The following CERKL variants were observed in gnomAD, a reference collection of about 807,000 sequenced individuals.
CERKL encodes ceramide kinase-like protein.
In CERKL, 61 loss-of-function variants were observed where a neutral mutation model predicts 63.4. The ratio of observed to expected loss-of-function variants is 0.96; its 90% CI spans 0.78 to 1.19. The LOEUF (loss-of-function observed/expected upper bound fraction) is 1.19. CERKL is among the 50% of genes most tolerant of loss of function. The pLI is 0.00. For missense variants in CERKL, 675 were observed against 655.5 expected (o/e 1.03, Z -0.33); for synonymous variants, 250 against 230.5 (o/e 1.08, Z -0.77).
intron 1 of CERKL, among the ~76,000 whole-genome samples, chr2:181,610,557 G>A (rs1351119121): frequency 6.6e-6 from 1 of 152,206 alleles, no homozygotes; most frequent in East Asian, 1.9e-4. Flanking sequence ...TCATAAATGA[G>A]TAAGTGAAAT....
Position 181,537,139 on chromosome 2 carries a change from C to CGTT in CERKL, c.*1042_*1044dup. 2 of 453,324 alleles carry CGTT rather than the reference C, an allele frequency of 4.4e-6. No homozygotes were observed. The highest frequency in any genetic ancestry group is 8.8e-6 in the Non-Finnish European group (2 of 226,556). 28.1% of individuals were successfully genotyped at this position (453,324 alleles called of 1,614,324 possible). A position where few individuals can be genotyped will look rare whatever the true frequency, so the allele number is the denominator to read the frequency against. The stretch of plus-strand genomic sequence containing the variant: ...TATGTATTTTTAAAAAACTTTGTAT[C>CGTT]GTTATAAAAAGGCTAGTCATTCTTT... On this transcript the variant is annotated 3_prime_UTR_variant, in exon 13 of 13. Transcript: ENST00000410087.
chr2:181,643,536 A>T (rs1236068699), intron 1 of CERKL, among the ~76,000 whole-genome samples: 1 of 152,244 alleles, frequency 6.6e-6, no homozygotes, highest in Non-Finnish European at 1.5e-5. Context: ...TTTGCAATGG[A>T]AACAGAGCAT....
At chr2:181,606,003 T>TA (rs1213554327) in intron 1 of CERKL, among the ~76,000 whole-genome samples, 1 of 141,518 alleles carries the variant, frequency 7.1e-6, no homozygotes, top group Non-Finnish European at 1.5e-5. Flanking sequence ...TACATACCAC[T>TA]AAAAAAAAGA....
intron 3 of CERKL, among the ~76,000 whole-genome samples, chr2:181,571,727 C>T (rs75692282): frequency 0.019 from 2,865 of 152,206 alleles, 73 homozygotes; most frequent in African/African-American, 0.064. Context: ...TTCTCCCTAA[C>T]AGAATCCAGA....
intron 2 of CERKL, among the ~76,000 whole-genome samples, chr2:181,599,651 A>G (rs1685374486): frequency 6.6e-6 from 1 of 152,006 alleles, no homozygotes; most frequent in Admixed American, 6.6e-5. Context: ...ACCCAGTTAG[A>G]CAAACATAAA....
chr2:181,547,702 A>C lies in CERKL; in HGVS notation c.1184T>G (p.Ile395Ser). The part of the protein sequence containing the change: ...KSDCNDQWQM[I>S]QGQFLNVSIM... ...GCTGACATTCAAGAACTGACCCTGGATCATTTGCCATTGATCATTACAGTC... is the reference window on the plus strand; with the variant it reads ...GCTGACATTCAAGAACTGACCCTGGCTCATTTGCCATTGATCATTACAGTC... Residue 395 changes from isoleucine (I) to serine (S), a missense_variant, in exon 10 of 13, where the codon ATC becomes AGC. Ile to Ser is a moderately radical substitution (Grantham distance 142). Transcript: ENST00000410087. The C allele has an allele frequency of 6.2e-7, 1 of 1,614,078 alleles. No individual in the cohort carries two copies. Among genetic ancestry groups the C allele is most frequent in the Non-Finnish European group, 8.5e-7 (1 of 1,179,952 alleles).
At chr2:181,647,363 C>T (rs3856407) in intron 1 of CERKL, among the ~76,000 whole-genome samples, 21,864 of 152,124 alleles carry the variant, frequency 0.14, 3,812 homozygotes, top group African/African-American at 0.42. Context: ...CTTTCTCTTC[C>T]CTGGGGAGCC....
chr2:181,638,543 G>A (rs944235880), intron 1 of CERKL, among the ~76,000 whole-genome samples: 1 of 152,154 alleles, frequency 6.6e-6, no homozygotes, highest in African/African-American at 2.4e-5. Context: ...AAATCCTTGA[G>A]TTTATAGTGA....
chr2:181,602,365 A>G (rs1207617534), intron 2 of CERKL, among the ~76,000 whole-genome samples: 1 of 152,222 alleles, frequency 6.6e-6, no homozygotes, highest in Non-Finnish European at 1.5e-5. Context: ...ATTTACTTCC[A>G]CTGAAATTAT....
chr2:181,589,097 G>A (rs1173672661), intron 2 of CERKL, among the ~76,000 whole-genome samples: 4 of 151,992 alleles, frequency 2.6e-5, no homozygotes, highest in East Asian at 3.9e-4. Context: ...GTAATCCAAC[G>A]TACCTATTTT....
chr2:181,596,322 G>A (rs1685207435), intron 2 of CERKL, among the ~76,000 whole-genome samples: 1 of 152,116 alleles, frequency 6.6e-6, no homozygotes, highest in Admixed American at 6.6e-5. Context: ...CCAATTACAT[G>A]TAAAAATATA....
intron 1 of CERKL, among the ~76,000 whole-genome samples, chr2:181,633,372 A>G (rs1687049233): frequency 6.6e-6 from 1 of 152,244 alleles, no homozygotes; most frequent in Non-Finnish European, 1.5e-5. Flanking sequence ...ATACACAGAA[A>G]GCAGATGAGT....
chr2:181,560,801 T>C (rs1688406024), intron 4 of CERKL, among the ~76,000 whole-genome samples: 1 of 152,184 alleles, frequency 6.6e-6, no homozygotes, highest in Non-Finnish European at 1.5e-5. Context: ...TATGAGAATC[T>C]TATTATTTTG....
At chr2:181,574,337 G>T (rs909785904) in intron 2 of CERKL, among the ~76,000 whole-genome samples, 1 of 152,196 alleles carries the variant, frequency 6.6e-6, no homozygotes, top group Non-Finnish European at 1.5e-5. Flanking sequence ...GGCTACCAAC[G>T]CCTGACCTAC....
chr2:181,580,978 T>C (rs1228677161), intron 2 of CERKL, among the ~76,000 whole-genome samples: 4 of 152,182 alleles, frequency 2.6e-5, no homozygotes, highest in African/African-American at 7.2e-5. Flanking sequence ...AGTTTGGTCA[T>C]GTTCCCTTTC....
chr2:181,612,337 A>G (rs1686003063), intron 1 of CERKL, among the ~76,000 whole-genome samples: 1 of 152,200 alleles, frequency 6.6e-6, no homozygotes, highest in South Asian at 2.1e-4. Flanking sequence ...GAGTTTTTTT[A>G]AGTATATGCA....
intron 1 of CERKL, among the ~76,000 whole-genome samples, chr2:181,644,084 C>T (rs1310310577): frequency 6.6e-6 from 1 of 152,252 alleles, no homozygotes; most frequent in Non-Finnish European, 1.5e-5. Flanking sequence ...AGTATCAGCA[C>T]AAGCTAAGGG....
At chr2:181,600,912 A>C (rs1685431450) in intron 2 of CERKL, among the ~76,000 whole-genome samples, 1 of 152,208 alleles carries the variant, frequency 6.6e-6, no homozygotes, top group Admixed American at 6.5e-5. Context: ...TACATTTTTC[A>C]CATCTGTACA....
intron 1 of CERKL, among the ~76,000 whole-genome samples, chr2:181,612,773 A>G (rs2105906846): frequency 6.6e-6 from 1 of 152,234 alleles, no homozygotes; most frequent in Non-Finnish European, 1.5e-5. Context: ...GTTTTATTAC[A>G]GTATAATTGA....
Sources: gnomAD v4.1 joint callset for allele counts (sites outside exome capture counted in the v4.1 genomes callset) on GRCh38, gnomAD v4.1.1 for gene constraint, MANE v1.5 for transcripts, NCBI Gene and HGNC (gene_info 2026-07-23, HGNC 2026-07-21) for gene names.